The following SNAP47 variants were observed in gnomAD, a reference collection of about 807,000 sequenced individuals.
The protein encoded by SNAP47 is synaptosome associated protein 47, also known as synaptosomal-associated protein 47.
Under a neutral mutation model 31.4 loss-of-function variants are expected in SNAP47, and 20 were observed. The observed-to-expected ratio is 0.64, with a 90% confidence interval of 0.45 to 0.93. The LOEUF is 0.93. SNAP47 is among the 40% of genes least tolerant of loss of function. The pLI is 0.00. For synonymous variants in SNAP47, 194 were observed against 213.4 expected (o/e 0.91, Z 0.79); for missense variants, 492 against 528.5 (o/e 0.93, Z 0.68).
chr1:227,772,414 C>T (rs796095896), intron 4 of SNAP47, among the ~76,000 whole-genome samples: 1 of 151,412 alleles, frequency 6.6e-6, no homozygotes, highest in East Asian at 2.0e-4. Flanking sequence ...AGGGGAGTCA[C>T]GCAGCCCTTG....
chr1:227,763,242 T>C lies in SNAP47; in HGVS notation c.989-3717T>C, dbSNP rs148196622. Among the ~76,000 whole-genome samples, 2 of 152,242 alleles carry C rather than the reference T, an allele frequency of 1.3e-5. No individual in the cohort carries two copies. The highest frequency in any genetic ancestry group is 3.9e-4 in the East Asian group (2 of 5,168). On this transcript the variant is annotated intron_variant, in intron 3 of 4. Coordinates refer to ENST00000617596, the MANE Select transcript of SNAP47 (RefSeq NM_053052.4). This position sits in a 1 kb window ranked among gnomAD's most constrained non-coding sequence, Gnocchi z 4.2. ...AGTGCTGGGATTTCAGGCGTGAGCC[T>C]CTACCCTGCTGTGCACAGCGTATTT...
chr1:227,778,724 G>A (rs1024680673), intron 4 of SNAP47, among the ~76,000 whole-genome samples: 3 of 152,202 alleles, frequency 2.0e-5, no homozygotes, highest in African/African-American at 4.8e-5. Flanking sequence ...TGTGGGCCAC[G>A]TGAGATCATG....
At chr1:227,776,814 A>C (rs920408312) in intron 4 of SNAP47, 4 of 985,358 alleles carry the variant, frequency 4.1e-6, no homozygotes, top group Admixed American at 6.1e-5. Flanking sequence ...TTCAAGTGCA[A>C]TTTTGGCAGG....
chr1:227,767,491 T>C (rs1413429358), intron 4 of SNAP47, among the ~76,000 whole-genome samples: 1 of 152,214 alleles, frequency 6.6e-6, no homozygotes, highest in South Asian at 2.1e-4. Flanking sequence ...GTACATATGT[T>C]ATGCATGTAC....
chr1:227,757,520 C>A (rs1366185990), intron 2 of SNAP47, among the ~76,000 whole-genome samples: 1 of 152,198 alleles, frequency 6.6e-6, no homozygotes, highest in African/African-American at 2.4e-5. Context: ...GATAATGATA[C>A]ATAATCTTGA....
rs561311451 is a variant in SNAP47, at chr1:227,767,063, G to C, written c.1093G>C (p.Asp365His). The C allele has an allele frequency of 6.2e-7, 1 of 1,614,130 alleles. No homozygotes were observed. The highest frequency in any genetic ancestry group is 1.1e-5 in the South Asian group (1 of 91,082). ...AAGCCTGCCAGCCCTTTCTGAGGCA[G>C]ATACCCAGGAACTAACCCAGGTAAG... ...QTSLPALSEA[D>H]TQELTQILRR... Residue 365 changes from aspartate (D) to histidine (H), a missense_variant, in exon 4 of 5, where the codon GAT (aspartate) becomes CAT (histidine). Asp to His is a moderately conservative substitution (Grantham distance 81). Transcript: ENST00000617596.
In SNAP47 at chr1:227,755,993, G is replaced by A. The variant is rs117374319; in HGVS notation, c.498-3002G>A. ...TGTAACATGTAAGCATCTGCTTTGC[G>A]TTGTCCTGTCTTTCCAGACTGAACC... On this transcript the variant is annotated intron_variant, in intron 2 of 4. Transcript: ENST00000617596. 0.021 allele frequency among the ~76,000 whole-genome samples: 3,133 copies of A among 152,242 alleles called. 291 individuals are homozygous for A. In the East Asian group the frequency reaches 0.27, roughly 13 times the overall value.
chr1:227,731,012 C>T (rs1472042187), upstream of SNAP47: 2 of 152,442 alleles, frequency 1.3e-5, no homozygotes, highest in Non-Finnish European at 2.9e-5. Flanking sequence ...CCTGGCAAGG[C>T]TGCAGCCGTG....
chr1:227,733,696 G>C (rs770397913), upstream of SNAP47: 14 of 1,599,342 alleles, frequency 8.8e-6, no homozygotes, highest in South Asian at 1.5e-4. Flanking sequence ...GGCAGCAAGA[G>C]CGCCTGGTTC....
intron 4 of SNAP47, among the ~76,000 whole-genome samples, chr1:227,772,907 C>T (rs1292413622): frequency 6.6e-6 from 1 of 152,096 alleles, no homozygotes; most frequent in Non-Finnish European, 1.5e-5. Flanking sequence ...TCACTTAATT[C>T]CATTTTGCAG....
chr1:227,775,774 G>T, intron 4 of SNAP47: 1 of 1,303,098 alleles, frequency 7.7e-7, no homozygotes, highest in Non-Finnish European at 1.0e-6. Context: ...AAATTCTCTT[G>T]TTTTTGCTCT....
At chr1:227,733,422 G>A (rs370662794), upstream of SNAP47, 20 of 1,577,334 alleles carry the variant, frequency 1.3e-5, no homozygotes, top group Middle Eastern at 3.4e-4. Context: ...ACCAGGTTGT[G>A]CACCTGGTGG....
rs1395579885 is a variant in SNAP47 at position 227,777,108 on chromosome 1, T to TAA, written c.1114-3419_1114-3418insAA. 8.3e-5 allele frequency: 64 copies of TAA among 769,288 alleles called. 1 individual carries two copies. The highest frequency in any genetic ancestry group is 3.3e-4 in the Admixed American group (3 of 9,110). The allele number at this position is 769,288 out of a possible 1,614,324, so 47.7% of individuals were successfully genotyped here. A position where few individuals can be genotyped will look rare whatever the true frequency, so the allele number is the denominator to read the frequency against. On this transcript the variant is annotated intron_variant, in intron 4 of 4. Transcript: ENST00000617596. Reference sequence around the variant, plus strand: ...AAAAGGCATGAATTTGATGTCTTTTTTAAAAAAAAAAGTTATTTTATTTTC... The same window carrying TAA: ...AAAAGGCATGAATTTGATGTCTTTTTAATAAAAAAAAAAGTTATTTTATTTTC...
Position 227,759,197 on chromosome 1 carries a change from G to T in SNAP47, c.700G>T (p.Val234Leu). ...HVKPGRLTVL[V>L]SGLEIHDSSS... Reference sequence around the variant, plus strand: ...TAAACCAGGGAGGCTCACCGTCCTTGTGTCTGGGTTGGAAATACATGACTC... The same window carrying T: ...TAAACCAGGGAGGCTCACCGTCCTTTTGTCTGGGTTGGAAATACATGACTC... Residue 234 changes from valine to leucine, a missense_variant, in exon 3 of 5, where the codon GTG becomes TTG. Transcript: ENST00000617596. 3 of 1,614,206 alleles carry T rather than the reference G, an allele frequency of 1.9e-6. No homozygotes were observed. Among genetic ancestry groups the T allele is most frequent in the Non-Finnish European group, 8.5e-7 (1 of 1,180,038 alleles).
intron 1 of SNAP47, among the ~76,000 whole-genome samples, chr1:227,744,697 C>T (rs1047582085): frequency 7.9e-5 from 12 of 152,144 alleles, no homozygotes; most frequent in South Asian, 4.1e-4. Flanking sequence ...GGTGTGGCAA[C>T]GCCCTGGCAG....
At chr1:227,779,436 T>C (rs1458153800) in intron 4 of SNAP47, among the ~76,000 whole-genome samples, 4 of 152,180 alleles carry the variant, frequency 2.6e-5, no homozygotes, top group South Asian at 4.1e-4. Flanking sequence ...GGAGTGCTGT[T>C]CCTAGAGGCA....
At chr1:227,767,568 T>C (rs1663509579) in intron 4 of SNAP47, among the ~76,000 whole-genome samples, 1 of 146,886 alleles carries the variant, frequency 6.8e-6, no homozygotes, top group Admixed American at 6.8e-5. Context: ...GTGTGTGTTG[T>C]GTGTGTATGC....
intron 1 of SNAP47, among the ~76,000 whole-genome samples, chr1:227,740,874 T>G (rs1571986911): frequency 6.7e-6 from 1 of 149,758 alleles, no homozygotes; most frequent in African/African-American, 2.5e-5. Context: ...GCCCAGCAGG[T>G]GATAGGGGAG....
At chr1:227,735,195 G>C (rs1330874434), upstream of SNAP47, 1 of 1,581,946 alleles carries the variant, frequency 6.3e-7, no homozygotes, top group Admixed American at 1.8e-5. Context: ...ACCCGGCCCG[G>C]AGCCTGGCCG....
Sources: gnomAD v4.1 joint callset for allele counts (sites outside exome capture counted in the v4.1 genomes callset) on GRCh38, gnomAD v4.1.1 for gene constraint, Gnocchi (gnomAD v3.1) non-coding constraint, MANE v1.5 for transcripts, NCBI Gene and HGNC (gene_info 2026-07-23, HGNC 2026-07-21) for gene names.